CDH12: variants seen among roughly 807,000 people sequenced by gnomAD.
The protein encoded by CDH12 is cadherin 12, also known as cadherin-12.
A neutral mutation model predicts 74.1 loss-of-function variants in CDH12; 41 were observed. The observed-to-expected ratio is 0.55, with a 90% CI of 0.43 to 0.72. The LOEUF is 0.72. CDH12 is among the 30% of genes least tolerant of loss of function. The pLI is 0.00. For synonymous variants in CDH12, 399 were observed against 355.0 expected (o/e 1.12, Z -1.39); for missense variants, 945 against 977.2 (o/e 0.97, Z 0.44).
At chr5:21,854,119 C>G (rs1750622923) in intron 7 of CDH12, among the ~76,000 whole-genome samples, 1 of 151,618 alleles carries the variant, frequency 6.6e-6, no homozygotes, top group South Asian at 2.1e-4. Flanking sequence ...AATTTGAAAA[C>G]TGCTATTTTT....
chr5:22,308,850 A>C (rs1030388261), intron 3 of CDH12, among the ~76,000 whole-genome samples: 5 of 148,554 alleles, frequency 3.4e-5, no homozygotes, highest in Non-Finnish European at 7.4e-5. Context: ...ACACACATAC[A>C]CACAGAGAGA....
At chr5:22,727,531 T>C (rs776531897) in intron 1 of CDH12, among the ~76,000 whole-genome samples, 3 of 151,752 alleles carry the variant, frequency 2.0e-5, no homozygotes, top group Non-Finnish European at 4.4e-5. Flanking sequence ...TAGTCATTAC[T>C]CGTTTAGATT....
intron 3 of CDH12, among the ~76,000 whole-genome samples, chr5:22,234,169 C>T (rs993814029): frequency 6.6e-6 from 1 of 152,018 alleles, no homozygotes; most frequent in East Asian, 1.9e-4. Context: ...TTAAATAATG[C>T]TTACAACATA....
intron 4 of CDH12, among the ~76,000 whole-genome samples, chr5:22,124,838 ATATTTATACAGC>A (rs1745752345): frequency 6.6e-6 from 1 of 152,154 alleles, no homozygotes; most frequent in South Asian, 2.1e-4. Context: ...TGTGCATGAG[ATATTTATACAGC>A]TCTTCAGCTA....
chr5:22,806,514 G>C (rs1207245173), intron 1 of CDH12, among the ~76,000 whole-genome samples: 1 of 151,846 alleles, frequency 6.6e-6, no homozygotes, highest in Non-Finnish European at 1.5e-5. Flanking sequence ...CATCACGCCC[G>C]GCTAATGTTT....
intron 1 of CDH12, among the ~76,000 whole-genome samples, chr5:22,693,553 GA>G (rs1033984590): frequency 1.3e-5 from 2 of 151,054 alleles, no homozygotes; most frequent in African/African-American, 4.9e-5. Flanking sequence ...TTGAAAATTT[GA>G]AAAAAAATTA....
At chr5:21,988,039 C>T (rs1757587712) in intron 5 of CDH12, among the ~76,000 whole-genome samples, 1 of 152,090 alleles carries the variant, frequency 6.6e-6, no homozygotes, top group Middle Eastern at 3.2e-3. Context: ...ATATCTGCCT[C>T]ACCTGTATCA....
intron 6 of CDH12, among the ~76,000 whole-genome samples, chr5:21,971,518 T>C (rs1309422923): frequency 6.6e-6 from 1 of 152,058 alleles, no homozygotes; most frequent in Non-Finnish European, 1.5e-5. Context: ...TATCATATCA[T>C]AGGTTAGATA....
intron 3 of CDH12, among the ~76,000 whole-genome samples, chr5:22,332,291 T>C (rs1228734561): frequency 2.0e-5 from 3 of 151,982 alleles, no homozygotes; most frequent in Non-Finnish European, 4.4e-5. Context: ...AAAATGGAGC[T>C]CCAGTACACC....
intron 3 of CDH12, among the ~76,000 whole-genome samples, chr5:22,285,072 T>C (rs1003318662): frequency 2.0e-5 from 3 of 152,056 alleles, no homozygotes; most frequent in Admixed American, 6.6e-5. Flanking sequence ...AGAAGTTATT[T>C]ATCTTACAAA....
At chr5:22,836,802 A>G (rs967305678) in intron 1 of CDH12, among the ~76,000 whole-genome samples, 10 of 152,252 alleles carry the variant, frequency 6.6e-5, no homozygotes, top group African/African-American at 2.2e-4. Context: ...TACAATGAAT[A>G]CTGTAACTAT....
At chr5:22,019,554 T>G (rs1224729870) in intron 5 of CDH12, among the ~76,000 whole-genome samples, 3 of 152,166 alleles carry the variant, frequency 2.0e-5, no homozygotes, top group South Asian at 2.1e-4. Flanking sequence ...AGGAAGAGAC[T>G]AGAGCTCTCT....
At chr5:21,995,741 C>T (rs911638752) in intron 5 of CDH12, among the ~76,000 whole-genome samples, 4 of 151,700 alleles carry the variant, frequency 2.6e-5, no homozygotes, top group African/African-American at 7.3e-5. Context: ...TAACCTCTCT[C>T]CTATCCTTTT....
intron 2 of CDH12, among the ~76,000 whole-genome samples, chr5:22,482,353 C>A (rs1465145705): frequency 3.3e-5 from 5 of 152,082 alleles, no homozygotes; most frequent in African/African-American, 1.2e-4. Context: ...GTTAGCTGAT[C>A]ATTTGCTCTC....
chr5:22,582,490 A>G (rs1188499022), intron 1 of CDH12, among the ~76,000 whole-genome samples: 1 of 152,148 alleles, frequency 6.6e-6, no homozygotes, highest in Non-Finnish European at 1.5e-5. Flanking sequence ...TAATTTCATT[A>G]CTGGATAGCA....
At position 22,272,195 on chromosome 5, in the gene CDH12, G is replaced by A. The variant is rs77598017; in HGVS notation, c.-332-59552C>T. On this transcript the variant is annotated intron_variant, in intron 3 of 14. Transcript: ENST00000382254. ...TGCTGCAGCTTTGATATCAGCACTT[G>A]CTGCTTCACCTTGCATTTTATGTTA... Among the ~76,000 whole-genome samples, 991 of 152,284 alleles carry A rather than the reference G, an allele frequency of 6.5e-3. 11 individuals carry two copies. Among genetic ancestry groups the A allele is most frequent in the African/African-American group, 0.023 (954 of 41,550 alleles).
chr5:22,808,671 T>C (rs1748947272), intron 1 of CDH12, among the ~76,000 whole-genome samples: 1 of 145,278 alleles, frequency 6.9e-6, no homozygotes, highest in South Asian at 2.2e-4. Flanking sequence ...AGTGGTGCGA[T>C]CTCAGCTCAC....
intron 2 of CDH12, among the ~76,000 whole-genome samples, chr5:22,451,657 A>G (rs978136022): frequency 1.3e-5 from 2 of 152,034 alleles, no homozygotes; most frequent in African/African-American, 2.4e-5. Context: ...CTGGAATGAG[A>G]CAAGGATGTC....
At chr5:22,767,357 A>G (rs1746570836) in intron 1 of CDH12, among the ~76,000 whole-genome samples, 1 of 151,954 alleles carries the variant, frequency 6.6e-6, no homozygotes, top group Non-Finnish European at 1.5e-5. Flanking sequence ...CAGATTGACT[A>G]TTTTCCTTTT....
Sources: gnomAD v4.1 joint callset for allele counts (sites outside exome capture counted in the v4.1 genomes callset) on GRCh38, gnomAD v4.1.1 for gene constraint, MANE v1.5 for transcripts, NCBI Gene and HGNC (gene_info 2026-07-23, HGNC 2026-07-21) for gene names.